Variants in SNTG2 observed in about 807,000 individuals in gnomAD.
SNTG2 encodes the protein syntrophin gamma 2, also known as gamma-2-syntrophin.
In SNTG2, 74 loss-of-function variants were observed where a neutral mutation model predicts 70.9. The ratio of observed to expected loss-of-function variants is 1.04; its 90% CI spans 0.86 to 1.27. The LOEUF (loss-of-function observed/expected upper bound fraction) is 1.27. Ranked by LOEUF, SNTG2 falls within the 50% of genes most tolerant of loss-of-function variation. The pLI is 0.00. For missense variants in SNTG2, 717 were observed against 690.7 expected (o/e 1.04, Z -0.43); for synonymous variants, 278 against 273.8 (o/e 1.02, Z -0.15).
intron 7 of SNTG2, among the ~76,000 whole-genome samples, chr2:1,166,743 A>G (rs1670733664): frequency 6.6e-6 from 1 of 152,168 alleles, no homozygotes; most frequent in Non-Finnish European, 1.5e-5. Context: ...ACCCTGGCCT[A>G]CCACGCCCCC....
intron 7 of SNTG2, among the ~76,000 whole-genome samples, chr2:1,169,664 C>G (rs5024307): frequency 0.23 from 34,379 of 151,920 alleles, 4,640 homozygotes; most frequent in East Asian, 0.42. Context: ...CCTGCAGGCT[C>G]CGGGGTCCAT....
chr2:1,239,277 G>C (rs879721952), intron 10 of SNTG2, among the ~76,000 whole-genome samples: 2 of 152,206 alleles, frequency 1.3e-5, no homozygotes, highest in East Asian at 1.9e-4. Flanking sequence ...GCTGTGGGCT[G>C]TGGGAACATT....
chr2:1,336,448 G>A (rs1017324855), intron 16 of SNTG2, among the ~76,000 whole-genome samples: 14 of 151,946 alleles, frequency 9.2e-5, no homozygotes, highest in Non-Finnish European at 1.3e-4. Flanking sequence ...ATTGCTGTGC[G>A]GACACTGTTT....
chr2:1,089,907 G>C (rs2148189025), intron 2 of SNTG2, among the ~76,000 whole-genome samples: 1 of 152,104 alleles, frequency 6.6e-6, no homozygotes, highest in East Asian at 1.9e-4. Context: ...GATTGCTTTG[G>C]CTCTGTCTAC....
intron 8 of SNTG2, among the ~76,000 whole-genome samples, chr2:1,191,653 G>C (rs915837177): frequency 1.3e-5 from 2 of 152,118 alleles, no homozygotes; most frequent in African/African-American, 4.8e-5. Flanking sequence ...AAATTAGCCA[G>C]GTGTGGTGGC....
intron 9 of SNTG2, among the ~76,000 whole-genome samples, chr2:1,226,387 C>G (rs185660831): frequency 1.4e-4 from 22 of 152,304 alleles, no homozygotes; most frequent in African/African-American, 5.3e-4. Context: ...GAGGTTAAAT[C>G]GGAAGCATAG....
intron 14 of SNTG2, among the ~76,000 whole-genome samples, chr2:1,276,682 A>G (rs1192557821): frequency 6.6e-6 from 1 of 152,218 alleles, no homozygotes; most frequent in Non-Finnish European, 1.5e-5. Context: ...CAAGTCAAGG[A>G]CTAATTTTGA....
chr2:1,309,265 C>T (rs543701581), intron 15 of SNTG2, among the ~76,000 whole-genome samples: 4 of 152,288 alleles, frequency 2.6e-5, no homozygotes, highest in East Asian at 3.9e-4. Context: ...AATAGAGCCC[C>T]GTTTGTTATC....
At chr2:1,323,470 A>G (rs4614974) in intron 16 of SNTG2, among the ~76,000 whole-genome samples, 12,672 of 107,022 alleles carry the variant, frequency 0.12, 511 homozygotes, top group East Asian at 0.27. Context: ...GAGACCCCCC[A>G]GTAGACTAGG....
intron 14 of SNTG2, among the ~76,000 whole-genome samples, chr2:1,282,139 G>T (rs927782259): frequency 6.6e-6 from 1 of 152,132 alleles, no homozygotes; most frequent in Non-Finnish European, 1.5e-5. Flanking sequence ...TATTGGCTTT[G>T]GTATGACTAC....
chr2:1,050,275 G>A (rs1661983095), intron 1 of SNTG2, among the ~76,000 whole-genome samples: 1 of 152,072 alleles, frequency 6.6e-6, no homozygotes, highest in South Asian at 2.1e-4. Context: ...TTACTCCAGA[G>A]TCATGAAATT....
intron 15 of SNTG2, among the ~76,000 whole-genome samples, chr2:1,311,925 A>G (rs2148254493): frequency 6.6e-6 from 1 of 152,256 alleles, no homozygotes; most frequent in East Asian, 1.9e-4. Flanking sequence ...AACTCTTGCA[A>G]GGAAAGAGGT....
intron 1 of SNTG2, among the ~76,000 whole-genome samples, chr2:1,048,518 G>T (rs2148073070): frequency 6.6e-6 from 1 of 152,110 alleles, no homozygotes. Flanking sequence ...TTTGCTTGTA[G>T]TTGCACTTTG....
intron 1 of SNTG2, among the ~76,000 whole-genome samples, chr2:1,034,470 A>G (rs1661021583): frequency 6.6e-6 from 1 of 152,190 alleles, no homozygotes; most frequent in Non-Finnish European, 1.5e-5. Context: ...TTGGGTATAT[A>G]CCCAGTAATG....
chr2:1,255,920 ATATATAAATATATAAATAT>A (rs1299577991), intron 12 of SNTG2, among the ~76,000 whole-genome samples: 6 of 35,964 alleles, frequency 1.7e-4, no homozygotes, highest in Non-Finnish European at 2.8e-4. Flanking sequence ...ATATATATAA[ATATATAAATATATAAATAT>A]ATATATATAT....
intron 9 of SNTG2, among the ~76,000 whole-genome samples, chr2:1,212,342 A>G (rs2148001176): frequency 6.6e-6 from 1 of 152,248 alleles, no homozygotes; most frequent in African/African-American, 2.4e-5. Flanking sequence ...CATGATTGGA[A>G]GTTTCCTGAG....
At chr2:1,134,306 G>A (rs1223943508) in intron 4 of SNTG2, among the ~76,000 whole-genome samples, 1 of 152,078 alleles carries the variant, frequency 6.6e-6, no homozygotes, top group Non-Finnish European at 1.5e-5. Flanking sequence ...CTCTTATCTG[G>A]CCCCACCCAC....
chr2:1,365,674 C>T (rs1265092229), intron 16 of SNTG2, among the ~76,000 whole-genome samples: 3 of 152,172 alleles, frequency 2.0e-5, no homozygotes, highest in Non-Finnish European at 2.9e-5. Flanking sequence ...TCTTGGCCTC[C>T]CTCTCCCTGT....
intron 2 of SNTG2, among the ~76,000 whole-genome samples, chr2:1,091,581 C>A (rs545483175): frequency 6.6e-6 from 1 of 152,150 alleles, no homozygotes; most frequent in South Asian, 2.1e-4. Flanking sequence ...GTTAGGGCTA[C>A]GGGGCCGCTC....
Sources: allele counts gnomAD v4.1 joint callset (sites outside exome capture counted in the v4.1 genomes callset), GRCh38; gene constraint gnomAD v4.1.1; transcripts MANE v1.5; gene names NCBI Gene and HGNC (gene_info 2026-07-23, HGNC 2026-07-21).